Variants in CNTN6 observed in about 807,000 individuals in gnomAD.
The protein encoded by CNTN6 is contactin-6.
Under a neutral mutation model 122.8 loss-of-function variants are expected in CNTN6, and 137 were observed. The ratio of observed to expected loss-of-function variants is 1.12; its 90% CI spans 0.97 to 1.29. The LOEUF (loss-of-function observed/expected upper bound fraction) is 1.29. Among genes scored for constraint, CNTN6 ranks in the 50% most tolerant of loss-of-function variants. CNTN6 has a pLI of 0.00. For missense variants in CNTN6, 1,634 were observed against 1,223.4 expected, an observed-to-expected ratio of 1.34 and a Z score of -5.01; for synonymous variants, 570 against 426.0, an observed-to-expected ratio of 1.34 and a Z score of -4.16.
intron 11 of CNTN6, among the ~76,000 whole-genome samples, chr3:1,330,530 T>A (rs1702143663): frequency 6.6e-6 from 1 of 151,932 alleles, no homozygotes; most frequent in Non-Finnish European, 1.5e-5. Flanking sequence ...TGTAATATCT[T>A]TTATTCTATT....
intron 4 of CNTN6, among the ~76,000 whole-genome samples, chr3:1,266,730 A>G (rs1428748205): frequency 6.6e-6 from 1 of 152,162 alleles, no homozygotes; most frequent in Non-Finnish European, 1.5e-5. Context: ...GCCTCACTCC[A>G]TTGAAATCAC....
chr3:1,327,311 A>G, intron 9 of CNTN6, 146 bp from the exon 10 acceptor site: 1 of 863,494 alleles, frequency 1.2e-6, no homozygotes. Flanking sequence ...TTAAACTTAA[A>G]AATGCTGCTC....
intron 5 of CNTN6, among the ~76,000 whole-genome samples, chr3:1,292,796 A>T (rs1282243705): frequency 3.3e-5 from 5 of 152,148 alleles, no homozygotes; most frequent in Admixed American, 2.0e-4. Flanking sequence ...CGACAGAAAC[A>T]CATTACAAAG....
intron 15 of CNTN6, 72 bp from the exon 16 acceptor site, chr3:1,373,852 T>A: frequency 6.8e-7 from 1 of 1,461,080 alleles, no homozygotes; most frequent in Non-Finnish European, 9.1e-7. Context: ...AATTAATAAT[T>A]ATATAATTTT....
At chr3:1,269,503 A>T (rs558001328) in intron 4 of CNTN6, among the ~76,000 whole-genome samples, 3 of 152,312 alleles carry the variant, frequency 2.0e-5, no homozygotes, top group Admixed American at 6.5e-5. Context: ...TGTAGGGAAT[A>T]TGCCAGCTTA....
intron 1 of CNTN6, among the ~76,000 whole-genome samples, chr3:1,141,432 T>A (rs562971238): frequency 6.6e-6 from 1 of 152,158 alleles, no homozygotes; most frequent in Admixed American, 6.6e-5. Flanking sequence ...ATAAACTAAA[T>A]CCACACCAGT....
intron 5 of CNTN6, among the ~76,000 whole-genome samples, chr3:1,284,699 G>A (rs1002736609): frequency 1.3e-4 from 20 of 152,166 alleles, no homozygotes; most frequent in Non-Finnish European, 2.1e-4. Flanking sequence ...AATAAAAGGA[G>A]ATAGGAAATA....
At chr3:1,275,727 A>C (rs759397389) in intron 4 of CNTN6, among the ~76,000 whole-genome samples, 1 of 152,160 alleles carries the variant, frequency 6.6e-6, no homozygotes, top group Non-Finnish European at 1.5e-5. Flanking sequence ...AGGAGTGTGC[A>C]ACTTGGATCC....
At chr3:1,237,145 A>T (rs2094433004) in intron 4 of CNTN6, among the ~76,000 whole-genome samples, 1 of 152,082 alleles carries the variant, frequency 6.6e-6, no homozygotes, top group Non-Finnish European at 1.5e-5. Context: ...TAAAAACATT[A>T]TACAGAAAAT....
chr3:1,339,327 G>T (rs975193894), intron 11 of CNTN6, among the ~76,000 whole-genome samples: 1 of 152,092 alleles, frequency 6.6e-6, no homozygotes, highest in African/African-American at 2.4e-5. Context: ...CTACTAATTT[G>T]TAGTGACAAA....
At chr3:1,390,742 G>GAA (rs1694008861) in intron 20 of CNTN6, among the ~76,000 whole-genome samples, 1 of 151,814 alleles carries the variant, frequency 6.6e-6, no homozygotes, top group Non-Finnish European at 1.5e-5. Flanking sequence ...CAATCCCACA[G>GAA]AAATACAAAC....
chr3:1,376,891 C>A, intron 16 of CNTN6, 114 bp from the exon 17 acceptor site: 1 of 655,434 alleles, frequency 1.5e-6, no homozygotes, highest in Non-Finnish European at 2.7e-6. Flanking sequence ...ATGCAAGACT[C>A]TCTCACAGTA....
chr3:1,280,059 A>T (rs530073068), intron 5 of CNTN6, among the ~76,000 whole-genome samples: 1 of 152,294 alleles, frequency 6.6e-6, no homozygotes, highest in East Asian at 1.9e-4. Flanking sequence ...AGATGACAAA[A>T]TATGCAAAAT....
At chr3:1,098,256 A>G (rs2090644963) in intron 1 of CNTN6, among the ~76,000 whole-genome samples, 1 of 140,882 alleles carries the variant, frequency 7.1e-6, no homozygotes, top group Non-Finnish European at 1.5e-5. Context: ...ATAAAATAAA[A>G]ATAAAAAAAA....
At chr3:1,248,116 T>C (rs1376030868) in intron 4 of CNTN6, among the ~76,000 whole-genome samples, 1 of 152,220 alleles carries the variant, frequency 6.6e-6, no homozygotes, top group African/African-American at 2.4e-5. Flanking sequence ...TTCAGAAAAC[T>C]AGGTTTCGAG....
At chr3:1,143,676 A>G (rs2092663419) in intron 1 of CNTN6, among the ~76,000 whole-genome samples, 3 of 152,180 alleles carry the variant, frequency 2.0e-5, no homozygotes, top group Non-Finnish European at 4.4e-5. Flanking sequence ...AACTTTCACA[A>G]ATGAAACTTT....
intron 4 of CNTN6, among the ~76,000 whole-genome samples, chr3:1,261,967 A>G (rs984497648): frequency 4.6e-5 from 7 of 152,284 alleles, no homozygotes; most frequent in East Asian, 3.9e-4. Context: ...TGTTCTTGGT[A>G]AATTACTGGA....
At chr3:1,373,792 T>A in intron 15 of CNTN6, 30 bp downstream of exon 15, 1 of 1,544,914 alleles carries the variant, frequency 6.5e-7, no homozygotes, top group Non-Finnish European at 8.7e-7. Flanking sequence ...TGGGTCACTT[T>A]AAAAATAATA....
intron 5 of CNTN6, among the ~76,000 whole-genome samples, chr3:1,280,459 A>ATTTTTTTTTTTTTGTTTTTTTTTTTT (rs1693179000): frequency 3.0e-5 from 2 of 66,652 alleles, no homozygotes; most frequent in Admixed American, 2.2e-4. Flanking sequence ...TGTAATACCA[A>ATTTTTTTTTTTTTGTTTTTTTTTTTT]TTTTTTTTTT....
Sources: allele counts gnomAD v4.1 joint callset (sites outside exome capture counted in the v4.1 genomes callset), GRCh38; gene constraint gnomAD v4.1.1; transcripts MANE v1.5; gene names NCBI Gene and HGNC (gene_info 2026-07-23, HGNC 2026-07-21).